Variants in GPR137C observed in about 807,000 individuals in gnomAD.
GPR137C encodes the protein G protein-coupled receptor 137C, also known as integral membrane protein GPR137C.
Under a neutral mutation model 43.4 loss-of-function variants are expected in GPR137C, and 27 were observed. The observed-to-expected ratio is 0.62, with a 90% CI of 0.46 to 0.86. GPR137C has a LOEUF of 0.86. Ranked by LOEUF, GPR137C falls within the 40% of genes least tolerant of loss-of-function variation. GPR137C has a pLI of 0.00. For missense variants in GPR137C, 522 were observed against 534.6 expected (o/e 0.98, Z 0.23); for synonymous variants, 285 against 226.9 (o/e 1.26, Z -2.30).
chr14:52,573,971 C>G (rs969048061), intron 1 of GPR137C, among the ~76,000 whole-genome samples: 26 of 152,184 alleles, frequency 1.7e-4, no homozygotes, highest in African/African-American at 6.3e-4. Flanking sequence ...TGAAAAAAAG[C>G]TCATCATCAC....
At chr14:52,562,894 CAAAG>C (rs1161667767) in intron 1 of GPR137C, among the ~76,000 whole-genome samples, 6 of 152,192 alleles carry the variant, frequency 3.9e-5, no homozygotes, top group Middle Eastern at 6.8e-3. Context: ...ATAGAAAAAA[CAAAG>C]AGGTTTGATA....
intron 1 of GPR137C, among the ~76,000 whole-genome samples, chr14:52,571,691 C>G (rs1412911236): frequency 6.6e-6 from 1 of 151,794 alleles, no homozygotes; most frequent in Non-Finnish European, 1.5e-5. Context: ...AACAAAAGAT[C>G]CAGAGAAGCA....
In GPR137C at chr14:52,610,406, C is replaced by A. The variant is rs143906257; in HGVS notation, c.717+10065C>A. Reference sequence around the variant, plus strand: ...CCACGATTTCAGTTACTGCAGTCAACCTCAGTCTGAAAATAGGTGAGTACA... The same window carrying A: ...CCACGATTTCAGTTACTGCAGTCAAACTCAGTCTGAAAATAGGTGAGTACA... On this transcript the variant is annotated intron_variant, in intron 3 of 6. Transcript: ENST00000321662. Among the ~76,000 whole-genome samples the A allele has an allele frequency of 1.9e-4, 29 of 152,254 alleles. No homozygotes were observed. The East Asian group carries it at 5.4e-3, about 28-fold the overall frequency.
At chr14:52,577,977 T>C (rs1442145998) in intron 1 of GPR137C, among the ~76,000 whole-genome samples, 2 of 151,774 alleles carry the variant, frequency 1.3e-5, no homozygotes, top group Non-Finnish European at 2.9e-5. Context: ...AAAAAAGCAA[T>C]AAAGGTAATA....
At position 52,635,133 on chromosome 14, in the gene GPR137C, G is replaced by A. The variant is rs202161909; in HGVS notation, c.*18G>A. 2.4e-4 allele frequency: 373 copies of A among 1,532,656 alleles called. 1 individual carries two copies. The African/African-American group carries it at 4.9e-3, about 20-fold the overall frequency. The allele number at this position is 1,532,656 out of a possible 1,614,324, so 94.9% of individuals were successfully genotyped here. ...AAAACTGACAGCATCACCAAGTCAT[G>A]ATTCTTGAGTTGTTTTTCATAAATG... On this transcript the variant is annotated 3_prime_UTR_variant, in exon 7 of 7. Coordinates refer to ENST00000321662, the MANE Select transcript of GPR137C (RefSeq NM_001099652.2).
intron 1 of GPR137C, among the ~76,000 whole-genome samples, chr14:52,579,215 C>T (rs1054591480): frequency 6.6e-6 from 1 of 152,132 alleles, no homozygotes; most frequent in Non-Finnish European, 1.5e-5. Flanking sequence ...GTATACCAGT[C>T]ATCTCCATTC....
intron 3 of GPR137C, chr14:52,611,992 A>G (rs2039043902): frequency 1.0e-6 from 1 of 985,170 alleles, no homozygotes; most frequent in South Asian, 4.7e-5. Flanking sequence ...TTCATTACCC[A>G]TTTGGCAGAA....
At position 52,570,410 on chromosome 14, in the gene GPR137C, C is replaced by T. The variant is rs28791191; in HGVS notation, c.444+16819C>T. On this transcript the variant is annotated intron_variant, in intron 1 of 6. Transcript: ENST00000321662. ...CAAAAACATACCAGATTGTAAAGAC[C>T]ATCGACCCTATGAAGAAACTGCATC... Among the ~76,000 whole-genome samples the T allele has an allele frequency of 2.5e-3, 379 of 152,210 alleles. 4 individuals are homozygous for T. The highest frequency in any genetic ancestry group is 8.5e-3 in the African/African-American group (354 of 41,520).
chr14:52,575,083 A>C (rs1405872864), intron 1 of GPR137C, among the ~76,000 whole-genome samples: 2 of 152,220 alleles, frequency 1.3e-5, no homozygotes, highest in Non-Finnish European at 2.9e-5. Flanking sequence ...TTAAAAAACT[A>C]AATTATCTTC....
intron 1 of GPR137C, 95 bp downstream of exon 1, chr14:52,553,686 A>C (rs2038138111): frequency 5.9e-6 from 4 of 677,922 alleles, no homozygotes; most frequent in Non-Finnish European, 7.3e-6. Flanking sequence ...GGGGGTGGGC[A>C]GCGAGAGGCG....
At chr14:52,579,491 C>G (rs1485882741) in intron 1 of GPR137C, among the ~76,000 whole-genome samples, 2 of 152,196 alleles carry the variant, frequency 1.3e-5, no homozygotes, top group South Asian at 2.1e-4. Flanking sequence ...TCTGAAATCA[C>G]GTTGTTCTCA....
At chr14:52,633,155 T>C (rs1235635255) in intron 4 of GPR137C, among the ~76,000 whole-genome samples, 1 of 152,132 alleles carries the variant, frequency 6.6e-6, no homozygotes, top group Middle Eastern at 3.2e-3. Flanking sequence ...TACATTTTTC[T>C]ATAGGTGTAA....
intron 3 of GPR137C, among the ~76,000 whole-genome samples, chr14:52,626,301 A>C (rs1272486829): frequency 3.3e-5 from 5 of 152,192 alleles, no homozygotes; most frequent in African/African-American, 1.2e-4. Context: ...ATCAACATAT[A>C]AAAAGCATAA....
chr14:52,592,488 G>A (rs954506325), intron 1 of GPR137C, among the ~76,000 whole-genome samples: 15 of 152,108 alleles, frequency 9.9e-5, no homozygotes, highest in African/African-American at 3.4e-4. Flanking sequence ...CCATTTGTTT[G>A]TGTCCTCTTT....
At position 52,553,092 on chromosome 14, in the gene GPR137C, G is replaced by A; in HGVS notation, c.-56G>A. The A allele has an allele frequency of 1.9e-5, 19 of 995,650 alleles. No individual in the cohort carries two copies. The highest frequency in any genetic ancestry group is 2.4e-5 in the Non-Finnish European group (19 of 800,972). 61.7% of individuals were successfully genotyped at this position (995,650 alleles called of 1,614,324 possible). On this transcript the variant is annotated 5_prime_UTR_variant, in exon 1 of 7. Coordinates refer to ENST00000321662, the MANE Select transcript of GPR137C (RefSeq NM_001099652.2). ...GCAGTCCTTCTCCCCTTCGACGGCG[G>A]CTCCGAGTCCAGCCCCTTCCTTCCC...
At chr14:52,596,935 G>C (rs1402612147) in intron 1 of GPR137C, 7 of 454,112 alleles carry the variant, frequency 1.5e-5, no homozygotes, top group African/African-American at 4.0e-5. Context: ...GACTGGAGCT[G>C]TTCCTATTTG....
In GPR137C at chr14:52,580,668, A is replaced by G. The variant is rs536817047; in HGVS notation, c.445-17604A>G. Among the ~76,000 whole-genome samples the G allele has an allele frequency of 9.2e-5, 14 of 151,832 alleles. No individual in the cohort carries two copies. The East Asian group carries it at 2.7e-3, about 29-fold the overall frequency. ...CGTGAGCCAACACTCCTGGCCAATG[A>G]ATAATTTTTTTAAGCATTAGGGTAT... On this transcript the variant is annotated intron_variant, in intron 1 of 6. Transcript: ENST00000321662.
In GPR137C at chr14:52,553,608, G is replaced by C; in HGVS notation, c.444+17G>C. On this transcript the variant is annotated intron_variant, in intron 1 of 6. Transcript: ENST00000321662. ...CTGGCGGAGGTAAGGCGGGAGGGCC[G>C]GCATGCGGGGCCCGGGCGGGTGCGC... The C allele has an allele frequency of 1.3e-6, 2 of 1,542,756 alleles. No individual in the cohort carries two copies. The highest frequency in any genetic ancestry group is 1.2e-5 in the South Asian group (1 of 83,866).
At chr14:52,589,229 A>G (rs2038750828) in intron 1 of GPR137C, among the ~76,000 whole-genome samples, 1 of 152,114 alleles carries the variant, frequency 6.6e-6, no homozygotes. Context: ...CTGGAGGAGG[A>G]GGGAATGGGG....
Sources: allele counts gnomAD v4.1 joint callset (sites outside exome capture counted in the v4.1 genomes callset), GRCh38; gene constraint gnomAD v4.1.1; transcripts MANE v1.5; gene names NCBI Gene and HGNC (gene_info 2026-07-23, HGNC 2026-07-21).